Variants in UTS2B observed in about 807,000 individuals in gnomAD.
UTS2B encodes urotensin 2B, also known as urotensin-2B.
Under a neutral mutation model 19.2 loss-of-function variants are expected in UTS2B, and 21 were observed. The ratio of observed to expected loss-of-function variants is 1.09; its 90% CI spans 0.78 to 1.58. UTS2B has a LOEUF of 1.58. UTS2B is among the 40% of genes most tolerant of loss of function. The pLI is 0.00. For synonymous variants in UTS2B, 57 were observed against 50.2 expected (o/e 1.14, Z -0.58); for missense variants, 138 against 130.3 (o/e 1.06, Z -0.29).
the UTS2B span, among the ~76,000 whole-genome samples, chr3:191,339,611 A>G: frequency 2.6e-5 from 4 of 152,226 alleles, no homozygotes; most frequent in African/African-American, 9.6e-5. Context: ...GCAGATGAAC[A>G]TAAAAAATTT....
At chr3:191,291,164 T>A (rs143841123) in intron 4 of UTS2B, among the ~76,000 whole-genome samples, 3 of 152,294 alleles carry the variant, frequency 2.0e-5, no homozygotes, top group African/African-American at 7.2e-5. Context: ...AAATTGAGTA[T>A]TTTTATTGTT....
In UTS2B at chr3:191,268,193, T is replaced by C. The variant is rs557430599; in HGVS notation, c.*223A>G. The C allele has an allele frequency of 6.8e-5, 25 of 367,730 alleles. 2 individuals are homozygous for C. In the South Asian group the frequency reaches 1.1e-3, roughly 17 times the overall value. 22.8% of individuals were successfully genotyped at this position (367,730 alleles called of 1,614,324 possible). ...ACCTCCCTGACTGCACGTCCATTCA[T>C]AGGCTCTCTACAGGGGGAAGCAAGT... On this transcript the variant is annotated 3_prime_UTR_variant, in exon 9 of 9. Transcript: ENST00000340524.
At chr3:191,307,907 C>A (rs1348841189) in intron 3 of UTS2B, among the ~76,000 whole-genome samples, 5 of 150,458 alleles carry the variant, frequency 3.3e-5, no homozygotes, top group African/African-American at 1.2e-4. Flanking sequence ...ACAATCTCAG[C>A]TCACCACAAC....
chr3:191,303,249 T>A (rs1296253129), intron 4 of UTS2B, among the ~76,000 whole-genome samples: 1 of 152,210 alleles, frequency 6.6e-6, no homozygotes, highest in Non-Finnish European at 1.5e-5. Flanking sequence ...CACGTGCATA[T>A]CCACATAATA....
intron 2 of UTS2B, among the ~76,000 whole-genome samples, chr3:191,322,652 T>C (rs553954083): frequency 6.6e-6 from 1 of 152,182 alleles, no homozygotes; most frequent in Admixed American, 6.5e-5. Context: ...ATGACAAATG[T>C]TTGTTAAGGT....
chr3:191,301,661 T>C (rs1717005595), intron 4 of UTS2B, among the ~76,000 whole-genome samples: 2 of 151,996 alleles, frequency 1.3e-5, no homozygotes, highest in South Asian at 4.2e-4. Context: ...TAATTTTTTT[T>C]TGTATTTTTA....
chr3:191,317,302 G>A lies in UTS2B; in HGVS notation c.-585-863C>T, dbSNP rs188391257. 4.2e-4 allele frequency among the ~76,000 whole-genome samples: 64 copies of A among 152,300 alleles called. No individual in the cohort carries two copies. In the East Asian group the frequency reaches 0.011, roughly 26 times the overall value. ...AGCCAGCTTCTCTGAGTGCGGGGGG[G>A]CCTCCCAAGCCTGTACCCACCTGGA... On this transcript the variant is annotated intron_variant, in intron 2 of 8. Coordinates refer to ENST00000340524, the MANE Select transcript of UTS2B (RefSeq NM_198152.5).
chr3:191,329,505 C>CT (rs1717867747), intron 1 of UTS2B: 1 of 574,610 alleles, frequency 1.7e-6, no homozygotes, highest in Non-Finnish European at 2.9e-6. Flanking sequence ...TCTCCCGCTG[C>CT]TTTGGTCACC....
chr3:191,328,790 A>G (rs1392521584), intron 1 of UTS2B, 81 bp from the exon 2 acceptor site: 2 of 152,244 alleles, frequency 1.3e-5, no homozygotes, highest in African/African-American at 4.8e-5. Flanking sequence ...ACGCCTCGTT[A>G]TCACCCACAG....
the UTS2B span, among the ~76,000 whole-genome samples, chr3:191,343,457 A>G: frequency 3.9e-5 from 6 of 152,266 alleles, no homozygotes; most frequent in Non-Finnish European, 7.3e-5. Context: ...TTCTCTAAGT[A>G]TAATTTTAAG....
At chr3:191,305,171 T>G (rs552144338) in intron 3 of UTS2B, among the ~76,000 whole-genome samples, 65 of 152,354 alleles carry the variant, frequency 4.3e-4, no homozygotes, top group African/African-American at 1.5e-3. Flanking sequence ...TATATGTTTT[T>G]GGGTATATAC....
At chr3:191,303,544 AAACTC>A (rs1717057472) in intron 4 of UTS2B, among the ~76,000 whole-genome samples, 1 of 138,034 alleles carries the variant, frequency 7.2e-6, no homozygotes, top group Non-Finnish European at 1.6e-5. Context: ...AAAAAAAAAA[AAACTC>A]ACTGTTAATT....
chr3:191,343,939 T>A, the UTS2B span, among the ~76,000 whole-genome samples: 2 of 152,234 alleles, frequency 1.3e-5, no homozygotes, highest in African/African-American at 4.8e-5. Context: ...CAGTGGTTGC[T>A]AGATAAATGT....
intron 4 of UTS2B, among the ~76,000 whole-genome samples, chr3:191,298,780 G>T (rs1460950526): frequency 6.6e-6 from 1 of 152,100 alleles, no homozygotes; most frequent in African/African-American, 2.4e-5. Context: ...GGGAAAACTT[G>T]GCACTTCATA....
chr3:191,304,233 C>CGTG (rs1717077369), intron 4 of UTS2B, among the ~76,000 whole-genome samples: 1 of 152,182 alleles, frequency 6.6e-6, no homozygotes, highest in Non-Finnish European at 1.5e-5. Flanking sequence ...GTTGGGATTA[C>CGTG]AGGCGTGAGG....
At chr3:191,285,460 T>C (rs1439789776) in intron 4 of UTS2B, among the ~76,000 whole-genome samples, 1 of 151,956 alleles carries the variant, frequency 6.6e-6, no homozygotes, top group Non-Finnish European at 1.5e-5. Flanking sequence ...AAAAAACAAT[T>C]AACAAAATGG....
chr3:191,289,365 C>A (rs187758151), intron 4 of UTS2B, among the ~76,000 whole-genome samples: 120 of 151,316 alleles, frequency 7.9e-4, no homozygotes, highest in African/African-American at 2.9e-3. Context: ...GTGGAGATTG[C>A]GCCACTGCAC....
the UTS2B span, among the ~76,000 whole-genome samples, chr3:191,336,738 G>T: frequency 6.6e-6 from 1 of 152,150 alleles, no homozygotes; most frequent in African/African-American, 2.4e-5. Context: ...TCAGACTTAT[G>T]CAATTACATT....
At chr3:191,294,204 G>A (rs975234620) in intron 4 of UTS2B, among the ~76,000 whole-genome samples, 10 of 151,870 alleles carry the variant, frequency 6.6e-5, no homozygotes, top group Admixed American at 1.3e-4. Context: ...TAGACATACC[G>A]TTCTACCCTT....
Sources: gnomAD v4.1 joint callset for allele counts (sites outside exome capture counted in the v4.1 genomes callset) on GRCh38, gnomAD v4.1.1 for gene constraint, MANE v1.5 for transcripts, NCBI Gene and HGNC (gene_info 2026-07-23, HGNC 2026-07-21) for gene names.